The following COL3A1 variants were observed in gnomAD, a reference collection of about 807,000 sequenced individuals.
COL3A1 encodes the protein collagen type III alpha 1 chain.
A neutral mutation model predicts 200.9 loss-of-function variants in COL3A1; 46 were observed. That is an observed-to-expected ratio of 0.23 (90% CI 0.18 to 0.29). The LOEUF (loss-of-function observed/expected upper bound fraction) is 0.29, where lower values mean the gene tolerates loss of function less well. Ranked by LOEUF, COL3A1 falls within the 10% of genes least tolerant of loss-of-function variation. The pLI, the probability that COL3A1 is intolerant of heterozygous loss-of-function variation, is 1.00. For synonymous variants in COL3A1, 650 were observed against 628.0 expected (o/e 1.03, Z -0.52); for missense variants, 1,367 against 1,917.6 (o/e 0.71, Z 5.36).
intron 47 of COL3A1, 53 bp from the exon 48 acceptor site, chr2:189,008,871 A>G: frequency 1.3e-6 from 2 of 1,548,180 alleles, no homozygotes; most frequent in South Asian, 2.2e-5. Context: ...ATGTATTCTT[A>G]GAGTGGCGAC....
chr2:188,988,826 A>G (rs2153501804), intron 7 of COL3A1, among the ~76,000 whole-genome samples, 183 bp downstream of exon 7: 2 of 152,152 alleles, frequency 1.3e-5, no homozygotes, highest in South Asian at 4.1e-4. Context: ...TCTTAGAGAC[A>G]CTAGTTAATA....
At chr2:188,979,459 ATTG>A (rs1464093019) in intron 1 of COL3A1, among the ~76,000 whole-genome samples, 6 of 151,846 alleles carry the variant, frequency 4.0e-5, no homozygotes, top group African/African-American at 1.2e-4. Flanking sequence ...GTCTGGTACT[ATTG>A]TTGTTAGAAC....
At chr2:188,991,280 C>T (rs1025708367) in intron 11 of COL3A1, among the ~76,000 whole-genome samples, 1 of 152,052 alleles carries the variant, frequency 6.6e-6, no homozygotes, top group East Asian at 1.9e-4. Flanking sequence ...CTTAGTATAA[C>T]TTATCAATTA....
rs1688597270 is a variant in COL3A1 at position 189,006,917 on chromosome 2, A to T, written c.3202-20A>T. On this transcript the variant is annotated intron_variant, in intron 43 of 50. Transcript: ENST00000304636. ...AACTAGTTCCGTGTATGTCTTCTCA[A>T]TTGAATGTTTTCATCTTAGGGCCCT... The T allele has an allele frequency of 6.2e-7, 1 of 1,613,056 alleles. No homozygotes were observed.
At chr2:188,980,199 A>G (rs1687920229) in intron 1 of COL3A1, among the ~76,000 whole-genome samples, 1 of 151,504 alleles carries the variant, frequency 6.6e-6, no homozygotes, top group Non-Finnish European at 1.5e-5. Flanking sequence ...TATTCTCTTC[A>G]ATGTTTTTAT....
chr2:188,990,285 T>G (rs912645774), intron 9 of COL3A1, 22 bp from the exon 10 acceptor site: 1 of 1,609,164 alleles, frequency 6.2e-7, no homozygotes, highest in Non-Finnish European at 8.5e-7. Context: ...TTCATTAATA[T>G]TTTTTCATTC....
chr2:189,003,912 G>A (rs1306794401), intron 38 of COL3A1, 70 bp from the exon 39 acceptor site: 3 of 1,567,304 alleles, frequency 1.9e-6, no homozygotes, highest in East Asian at 2.3e-5. Context: ...ATTATTTGAA[G>A]TAAGTAAAAA....
At chr2:188,978,695 T>A (rs1226436777) in intron 1 of COL3A1, among the ~76,000 whole-genome samples, 1 of 149,028 alleles carries the variant, frequency 6.7e-6, no homozygotes, top group African/African-American at 2.5e-5. Context: ...ACCCTCTCAG[T>A]GAACTGTTTC....
chr2:188,974,413 A>C lies in COL3A1; in HGVS notation c.-77A>C. 1 of 1,089,866 alleles carries C rather than the reference A, an allele frequency of 9.2e-7. No individual in the cohort carries two copies. Among genetic ancestry groups the C allele is most frequent in the Non-Finnish European group, 1.4e-6 (1 of 716,114 alleles). 67.5% of individuals were successfully genotyped at this position (1,089,866 alleles called of 1,614,324 possible). ...CGGGCCCGGTGCTGAAGGGCAGGGAACAACTTGATGGTGCTACTTTGAACT... is the reference window on the plus strand; with the variant it reads ...CGGGCCCGGTGCTGAAGGGCAGGGACCAACTTGATGGTGCTACTTTGAACT... On this transcript the variant is annotated 5_prime_UTR_variant, in exon 1 of 51. Transcript: ENST00000304636.
At chr2:189,004,989 G>A (rs999598449) in intron 40 of COL3A1, among the ~76,000 whole-genome samples, 4 of 152,140 alleles carry the variant, frequency 2.6e-5, no homozygotes, top group African/African-American at 9.7e-5. Context: ...TCTTCAGATA[G>A]AGACAAATAA....
chr2:189,002,884 G>T (rs1403826494), intron 35 of COL3A1, 71 bp from the exon 36 acceptor site: 1 of 1,154,838 alleles, frequency 8.7e-7, no homozygotes, highest in Non-Finnish European at 1.3e-6. Context: ...ATATTCTGAA[G>T]AGAAATAATA....
rs781216305 is a variant in COL3A1 at position 188,993,413 on chromosome 2, G to A, written c.1103G>A (p.Arg368Lys). Residue 368 changes from arginine to lysine, a missense_variant, in exon 16 of 51, where the codon AGA becomes AAA. Transcript: ENST00000304636. ...GGTTCAAATGGTGCCCCTGGACAAA[G>A]AGGAGAACCTGGACCTCAGGGACAC... ...SPGSNGAPGQ[R>K]GEPGPQGHAG... The A allele has an allele frequency of 6.4e-7, 1 of 1,566,618 alleles. No homozygotes were observed. Among genetic ancestry groups the A allele is most frequent in the Non-Finnish European group, 8.7e-7 (1 of 1,154,520 alleles).
chr2:189,009,288 G>A (rs1287104648), intron 48 of COL3A1, 67 bp downstream of exon 48: 2 of 1,579,196 alleles, frequency 1.3e-6, no homozygotes, highest in South Asian at 1.1e-5. Context: ...GATTAGAATG[G>A]GAACGAAAAA....
intron 1 of COL3A1, among the ~76,000 whole-genome samples, chr2:188,977,338 CTG>C (rs1274298172): frequency 1.1e-4 from 17 of 152,040 alleles, no homozygotes; most frequent in Non-Finnish European, 2.5e-4. Context: ...GTAAAATAAA[CTG>C]TAGGCCTCTA....
chr2:189,006,769 AT>A (rs1353576718), intron 43 of COL3A1, among the ~76,000 whole-genome samples, 167 bp from the exon 44 acceptor site: 6 of 152,190 alleles, frequency 3.9e-5, no homozygotes, highest in African/African-American at 1.4e-4. Flanking sequence ...TGAGAAAGCT[AT>A]AAACAGGGCT....
rs1282196252 is a variant in COL3A1, at chr2:188,977,816, G to A, written c.79+3248G>A. On this transcript the variant is annotated intron_variant, in intron 1 of 50. Coordinates refer to ENST00000304636, the MANE Select transcript of COL3A1 (RefSeq NM_000090.4). Reference sequence around the variant, plus strand: ...CCTAGAAAGTACATGAACTAATAATGCATTTCTAAAGGTGAAAAAAGAATA... The same window carrying A: ...CCTAGAAAGTACATGAACTAATAATACATTTCTAAAGGTGAAAAAAGAATA... 2.6e-5 allele frequency among the ~76,000 whole-genome samples: 4 copies of A among 152,006 alleles called. No homozygotes were observed. The East Asian group carries it at 7.7e-4, about 29-fold the overall frequency.
intron 32 of COL3A1, 39 bp downstream of exon 32, chr2:188,999,934 A>G (rs1052785525): frequency 1.9e-6 from 3 of 1,559,904 alleles, no homozygotes; most frequent in African/African-American, 1.3e-5. Context: ...CCTTATCTAT[A>G]TGTCATATGG....
chr2:188,979,852 ATCT>A (rs1178548022), intron 1 of COL3A1, among the ~76,000 whole-genome samples: 1 of 151,664 alleles, frequency 6.6e-6, no homozygotes, highest in Non-Finnish European at 1.5e-5. Flanking sequence ...TTACACTCAG[ATCT>A]TCTTTTTCAC....
intron 14 of COL3A1, among the ~76,000 whole-genome samples, chr2:188,992,472 C>T (rs1379357684): frequency 1.3e-5 from 2 of 152,020 alleles, no homozygotes; most frequent in African/African-American, 2.4e-5. Context: ...AGCCCATAAA[C>T]AAAATCTAGG....
Sources: allele counts gnomAD v4.1 joint callset (sites outside exome capture counted in the v4.1 genomes callset), GRCh38; gene constraint gnomAD v4.1.1; transcripts MANE v1.5; gene names NCBI Gene and HGNC (gene_info 2026-07-23, HGNC 2026-07-21).